Variants in ZNF831 observed in about 807,000 individuals in gnomAD.
ZNF831 encodes the protein chromosome 20 open reading frame 174.
Under a neutral mutation model 95.8 loss-of-function variants are expected in ZNF831, and 59 were observed. The ratio of observed to expected loss-of-function variants is 0.62; its 90% CI spans 0.50 to 0.77. ZNF831 has a LOEUF of 0.77. ZNF831 is among the 30% of genes least tolerant of loss of function. ZNF831 has a pLI of 0.00. For synonymous variants in ZNF831, 961 were observed against 925.5 expected, an observed-to-expected ratio of 1.04 and a Z score of -0.70; for missense variants, 2,205 against 2,164.0, an observed-to-expected ratio of 1.02 and a Z score of -0.38.
intron 4 of ZNF831, among the ~76,000 whole-genome samples, chr20:59,220,453 A>C (rs1349145546): frequency 6.6e-6 from 1 of 152,154 alleles, no homozygotes; most frequent in Non-Finnish European, 1.5e-5. Flanking sequence ...TGTGAGTGGA[A>C]CCTAGGGGAG....
At chr20:59,238,050 A>T (rs1340904753) in intron 4 of ZNF831, among the ~76,000 whole-genome samples, 1 of 152,230 alleles carries the variant, frequency 6.6e-6, no homozygotes, top group African/African-American at 2.4e-5. Context: ...CCTGAAACTC[A>T]TATGGAACCA....
rs1179460579 is a variant in ZNF831 at position 59,191,909 on chromosome 20, C to G, written c.890C>G (p.Pro297Arg). 6.2e-7 allele frequency: 1 copy of G among 1,612,520 alleles called. No homozygotes were observed. Among genetic ancestry groups the G allele is most frequent in the Non-Finnish European group, 8.5e-7 (1 of 1,179,890 alleles). Residue 297 changes from proline to arginine, a missense_variant, in exon 2 of 6, where the codon CCC becomes CGC. Physicochemically the swap from Pro to Arg is moderately radical, Grantham distance 103 (BLOSUM62 -2). Transcript: ENST00000371030. ...GGGCTCCCAGCGGCCAGCACACAAC[C>G]CTGGCGTAAGTTGCCAGAGCAGAAG... Reference protein sequence around the residue: ...SPGLPAASTQPWRKLPEQKSP... With the variant: ...SPGLPAASTQRWRKLPEQKSP...
At chr20:59,226,000 TC>T (rs1986404241) in intron 4 of ZNF831, among the ~76,000 whole-genome samples, 1 of 152,188 alleles carries the variant, frequency 6.6e-6, no homozygotes, top group South Asian at 2.1e-4. Flanking sequence ...GTTGCCTTCA[TC>T]CCTAGGCACA....
At chr20:59,148,605 G>GGGAGGT in intron 2 of ZNF831, among the ~76,000 whole-genome samples, 1 of 126,890 alleles carries the variant, frequency 7.9e-6, no homozygotes, top group South Asian at 2.4e-4. Context: ...GCGTGAACCC[G>GGGAGGT]GGAGGTGGAG....
chr20:59,224,819 C>A (rs1986327988), intron 4 of ZNF831, among the ~76,000 whole-genome samples: 1 of 152,130 alleles, frequency 6.6e-6, no homozygotes, highest in Non-Finnish European at 1.5e-5. Context: ...CATCTTTGTC[C>A]AAACAAATTA....
intron 1 of ZNF831, among the ~76,000 whole-genome samples, chr20:59,128,911 G>A (rs917886073): frequency 2.6e-5 from 4 of 152,106 alleles, no homozygotes; most frequent in Non-Finnish European, 4.4e-5. Context: ...ATAGGCGCCC[G>A]CCACCACACC....
intron 2 of ZNF831, among the ~76,000 whole-genome samples, chr20:59,151,367 G>A (rs1262559773): frequency 6.6e-6 from 1 of 152,166 alleles, no homozygotes; most frequent in Non-Finnish European, 1.5e-5. Flanking sequence ...CCACAGGACT[G>A]CAGACCTTTG....
At chr20:59,245,574 A>G (rs1987551659) in intron 4 of ZNF831, among the ~76,000 whole-genome samples, 2 of 152,218 alleles carry the variant, frequency 1.3e-5, no homozygotes, top group African/African-American at 4.8e-5. Flanking sequence ...CACCCACAAC[A>G]TGCCAGGAGC....
chr20:59,133,847 T>C (rs1979421284), intron 1 of ZNF831, among the ~76,000 whole-genome samples: 1 of 152,222 alleles, frequency 6.6e-6, no homozygotes, highest in African/African-American at 2.4e-5. Flanking sequence ...TAGGCCCTAC[T>C]TGACTTCCAT....
At chr20:59,171,690 G>T (rs1326985398) in intron 1 of ZNF831, among the ~76,000 whole-genome samples, 1 of 152,212 alleles carries the variant, frequency 6.6e-6, no homozygotes, top group African/African-American at 2.4e-5. Context: ...GTAGGAGAAA[G>T]AAGTAGAGAA....
In ZNF831 at chr20:59,124,259, T is replaced by C. The variant is rs539052617; in HGVS notation, c.-1425+754T>C. On this transcript the variant is annotated intron_variant, in intron 1 of 7. Transcript: ENST00000637017. ...CTCTAGGGTCATTCCTCAGGCCCCATTGCCAAAGAAAAATCATGGCTGTGT... is the reference window on the plus strand; with the variant it reads ...CTCTAGGGTCATTCCTCAGGCCCCACTGCCAAAGAAAAATCATGGCTGTGT... Among the ~76,000 whole-genome samples the C allele has an allele frequency of 5.6e-4, 85 of 151,918 alleles. 1 individual carries two copies. The highest frequency in any genetic ancestry group is 2.0e-3 in the African/African-American group (84 of 41,446).
intron 3 of ZNF831, among the ~76,000 whole-genome samples, chr20:59,204,396 T>C (rs1320976423): frequency 1.3e-5 from 2 of 152,214 alleles, no homozygotes; most frequent in African/African-American, 4.8e-5. Flanking sequence ...CTCTGCTGCA[T>C]GTGACCCCCA....
upstream of ZNF831, among the ~76,000 whole-genome samples, chr20:59,162,359 T>C (rs1205647397): frequency 6.6e-6 from 1 of 152,182 alleles, no homozygotes; most frequent in Non-Finnish European, 1.5e-5. Context: ...ATTTCCTTGG[T>C]TTTCTTGTAG....
intron 2 of ZNF831, among the ~76,000 whole-genome samples, chr20:59,151,345 C>T (rs1019643910): frequency 3.3e-5 from 5 of 152,168 alleles, no homozygotes; most frequent in African/African-American, 1.2e-4. Context: ...TGGGCACCCT[C>T]CTGCTGAGAT....
At chr20:59,221,847 C>T (rs1266839951) in intron 4 of ZNF831, among the ~76,000 whole-genome samples, 2 of 152,174 alleles carry the variant, frequency 1.3e-5, no homozygotes, top group Non-Finnish European at 1.5e-5. Context: ...AGGCACCTGG[C>T]GTGCCGGGAA....
intron 3 of ZNF831, among the ~76,000 whole-genome samples, chr20:59,205,255 T>C (rs986067988): frequency 6.6e-6 from 1 of 152,306 alleles, no homozygotes; most frequent in South Asian, 2.1e-4. Context: ...CTCTGCACTT[T>C]GAAATCTCTC....
In ZNF831 at chr20:59,192,027, G is replaced by A. The variant is rs777312161; in HGVS notation, c.1008G>A (p.Leu336=). ...PWDAKAPEGR[L]RKCESTDSGY... is the part of the protein sequence containing the mutation. ...ATGCCAAGGCCCCCGAGGGCCGGCT[G>A]CGGAAGTGTGAGAGCACCGACTCGG... The change falls in exon 2 of 6, where the codon CTG becomes CTA. Residue 336 remains leucine (L), a synonymous_variant. Transcript: ENST00000371030. This position sits in a 1 kb window ranked among gnomAD's most constrained non-coding sequence, Gnocchi z 5.2. 6.3e-5 allele frequency: 101 copies of A among 1,609,062 alleles called. No homozygotes were observed. Among genetic ancestry groups the A allele is most frequent in the Non-Finnish European group, 8.2e-5 (97 of 1,179,248 alleles).
In ZNF831 at chr20:59,194,152, C is replaced by T. The variant is rs1200560909; in HGVS notation, c.3133C>T (p.Pro1045Ser). The change falls in exon 2 of 6, where the codon CCA (proline) becomes TCA (serine). Residue 1045 changes from proline to serine, a missense_variant. Coordinates refer to ENST00000371030, the MANE Select transcript of ZNF831 (RefSeq NM_178457.3). ...PAARELPISA[P>S]GAPREATSSP... The stretch of plus-strand genomic sequence containing the variant: ...AGCCAGGGAGTTGCCCATCTCAGCA[C>T]CAGGGGCTCCCAGGGAGGCTACCTC... 1.3e-6 allele frequency: 2 copies of T among 1,576,204 alleles called. No homozygotes were observed. Among genetic ancestry groups the T allele is most frequent in the East Asian group, 2.2e-5 (1 of 44,556 alleles).
chr20:59,174,551 C>T (rs1434434013), intron 1 of ZNF831, among the ~76,000 whole-genome samples: 1 of 152,082 alleles, frequency 6.6e-6, no homozygotes, highest in East Asian at 1.9e-4. Context: ...AGCCACCAAA[C>T]ATGATTAAGA....
Sources: gnomAD v4.1 joint callset for allele counts (sites outside exome capture counted in the v4.1 genomes callset) on GRCh38, gnomAD v4.1.1 for gene constraint, Gnocchi (gnomAD v3.1) non-coding constraint, MANE v1.5 for transcripts, NCBI Gene and HGNC (gene_info 2026-07-23, HGNC 2026-07-21) for gene names.